Variants in CATSPERD observed in about 807,000 individuals in gnomAD.
The protein encoded by CATSPERD is catsper channel auxiliary subunit delta.
In CATSPERD, 86 loss-of-function variants were observed where a neutral mutation model predicts 98.1. The observed-to-expected ratio is 0.88, with a 90% CI of 0.74 to 1.05. The LOEUF (loss-of-function observed/expected upper bound fraction) is 1.05, where lower values mean the gene tolerates loss of function less well. CATSPERD is among the 50% of genes least tolerant of loss of function. CATSPERD has a pLI of 0.00. For missense variants in CATSPERD, 995 were observed against 1,005.7 expected, an observed-to-expected ratio of 0.99 and a Z score of 0.14; for synonymous variants, 394 against 390.2, an observed-to-expected ratio of 1.01 and a Z score of -0.12.
chr19:5,730,235 T>G (rs1018244479), intron 4 of CATSPERD, among the ~76,000 whole-genome samples: 3 of 152,074 alleles, frequency 2.0e-5, no homozygotes, highest in African/African-American at 7.2e-5. Context: ...GTATCTTACT[T>G]TATATGCAGT....
At chr19:5,753,269 C>T (rs1568360071) in intron 12 of CATSPERD, among the ~76,000 whole-genome samples, 1 of 151,460 alleles carries the variant, frequency 6.6e-6, no homozygotes, top group Non-Finnish European at 1.5e-5. Flanking sequence ...TCTAAAGAAA[C>T]AGAAAGAGGG....
At position 5,748,608 on chromosome 19, in the gene CATSPERD, G is replaced by A. The variant is rs1244828658; in HGVS notation, c.904+353G>A. On this transcript the variant is annotated intron_variant, in intron 10 of 21. Transcript: ENST00000381624. ...CGCACCATGGCACTCCAGCCTGGGC[G>A]ACACAGTGAGACTCCAAAAAAAAAA... Among the ~76,000 whole-genome samples, 5 of 116,770 alleles carry A rather than the reference G, an allele frequency of 4.3e-5. No individual in the cohort carries two copies. In the South Asian group the frequency reaches 8.8e-4, roughly 21 times the overall value. 76.6% of individuals were successfully genotyped at this position (116,770 alleles called of 152,430 possible).
intron 13 of CATSPERD, among the ~76,000 whole-genome samples, chr19:5,757,298 T>C (rs915536485): frequency 4.6e-3 from 2 of 436 alleles, no homozygotes; most frequent in African/African-American, 6.3e-3. Flanking sequence ...TTTCAACTTC[T>C]TTTTTTTTTT....
chr19:5,760,480 A>G (rs1197587340), intron 15 of CATSPERD, among the ~76,000 whole-genome samples: 1 of 151,848 alleles, frequency 6.6e-6, no homozygotes, highest in Non-Finnish European at 1.5e-5. Flanking sequence ...GCTCAGTGCA[A>G]TAAGCCGGAT....
chr19:5,721,385 C>T (rs2055471396), intron 1 of CATSPERD, among the ~76,000 whole-genome samples: 1 of 152,134 alleles, frequency 6.6e-6, no homozygotes, highest in Non-Finnish European at 1.5e-5. Context: ...GATCTCTGCT[C>T]ACTGCAACCC....
chr19:5,737,794 G>A (rs1599528128), intron 6 of CATSPERD, among the ~76,000 whole-genome samples: 2 of 149,900 alleles, frequency 1.3e-5, no homozygotes, highest in East Asian at 2.0e-4. Flanking sequence ...AGGCTGCAGC[G>A]AGCTGAGATT....
At chr19:5,723,699 C>T (rs1218623475) in intron 1 of CATSPERD, among the ~76,000 whole-genome samples, 4 of 151,798 alleles carry the variant, frequency 2.6e-5, no homozygotes, top group African/African-American at 7.3e-5. Context: ...CTCCTGACTT[C>T]GTGATCCACC....
intron 5 of CATSPERD, among the ~76,000 whole-genome samples, chr19:5,734,477 A>G (rs1303300716): frequency 1.3e-5 from 2 of 152,158 alleles, no homozygotes; most frequent in African/African-American, 4.8e-5. Flanking sequence ...CGTCCCTACT[A>G]AAAATACAAA....
At chr19:5,761,344 C>G (rs1345755964) in intron 15 of CATSPERD, among the ~76,000 whole-genome samples, 1 of 152,008 alleles carries the variant, frequency 6.6e-6, no homozygotes, top group African/African-American at 2.4e-5. Context: ...TCAGGTGGTC[C>G]GTCCGCGTCA....
intron 5 of CATSPERD, among the ~76,000 whole-genome samples, chr19:5,735,881 T>G (rs987292957): frequency 2.7e-5 from 4 of 149,614 alleles, no homozygotes; most frequent in African/African-American, 9.9e-5. Context: ...CCTGGGTTCA[T>G]GCCATTCTTC....
intron 18 of CATSPERD, 101 bp downstream of exon 18, chr19:5,768,343 T>TATTA (rs1252771501): frequency 1.2e-4 from 89 of 730,382 alleles, no homozygotes; most frequent in Non-Finnish European, 1.5e-4. Flanking sequence ...TTTATTTATT[T>TATTA]ATTATTATTA....
chr19:5,744,278 T>C (rs1451936580), intron 7 of CATSPERD, 149 bp from the exon 8 acceptor site: 17 of 639,346 alleles, frequency 2.7e-5, no homozygotes, highest in East Asian at 1.5e-4. Context: ...CCGCACCCAA[T>C]TGAGTGCCAT....
chr19:5,766,449 C>A (rs1349768804), intron 17 of CATSPERD, among the ~76,000 whole-genome samples: 1 of 113,952 alleles, frequency 8.8e-6, no homozygotes, highest in Non-Finnish European at 1.8e-5. Context: ...CACAGCAAGA[C>A]TCTCGTCTTG....
intron 4 of CATSPERD, among the ~76,000 whole-genome samples, chr19:5,731,041 G>A (rs566540768): frequency 2.2e-4 from 33 of 149,956 alleles, no homozygotes; most frequent in African/African-American, 7.6e-4. Flanking sequence ...GTAGTGAGCC[G>A]TGATCGCACC....
intron 1 of CATSPERD, among the ~76,000 whole-genome samples, chr19:5,723,707 A>C (rs916143182): frequency 1.3e-5 from 2 of 149,588 alleles, no homozygotes; most frequent in Non-Finnish European, 1.5e-5. Context: ...TTCGTGATCC[A>C]CCCGCCTCGG....
intron 19 of CATSPERD, among the ~76,000 whole-genome samples, chr19:5,771,275 G>T (rs1340953528): frequency 6.6e-6 from 1 of 152,156 alleles, no homozygotes; most frequent in East Asian, 1.9e-4. Context: ...TTGAGACAGG[G>T]TCTTGCTCTG....
intron 17 of CATSPERD, among the ~76,000 whole-genome samples, chr19:5,767,413 GTTT>G (rs771382470): frequency 6.9e-6 from 1 of 143,904 alleles, no homozygotes; most frequent in Admixed American, 7.0e-5. Flanking sequence ...GGTCTCTCAG[GTTT>G]TTTTTTTTTT....
At chr19:5,725,657 T>C (rs1392011375) in intron 2 of CATSPERD, among the ~76,000 whole-genome samples, 1 of 152,140 alleles carries the variant, frequency 6.6e-6, no homozygotes, top group African/African-American at 2.4e-5. Context: ...ATCCCAGCAC[T>C]TTGGGAGGCC....
intron 13 of CATSPERD, among the ~76,000 whole-genome samples, chr19:5,754,595 C>T (rs551117342): frequency 1.3e-5 from 2 of 151,834 alleles, no homozygotes; most frequent in African/African-American, 4.8e-5. Context: ...ACGGGGTTCC[C>T]CCATGTTGGT....
Sources: gnomAD v4.1 joint callset for allele counts (sites outside exome capture counted in the v4.1 genomes callset) on GRCh38, gnomAD v4.1.1 for gene constraint, MANE v1.5 for transcripts, NCBI Gene and HGNC (gene_info 2026-07-23, HGNC 2026-07-21) for gene names.